Variants in JARID2 observed in about 807,000 individuals in gnomAD.
The protein encoded by JARID2 is protein Jumonji.
In JARID2, 21 loss-of-function variants were observed where a neutral mutation model predicts 125.6. The observed-to-expected ratio is 0.17, with a 90% CI of 0.12 to 0.24. JARID2 has a LOEUF of 0.24. Among genes scored for constraint, JARID2 ranks in the 10% least tolerant of loss-of-function variants. The pLI is 1.00. For synonymous variants in JARID2, 736 were observed against 661.6 expected, an observed-to-expected ratio of 1.11 and a Z score of -1.73; for missense variants, 1,303 against 1,639.6, an observed-to-expected ratio of 0.79 and a Z score of 3.55.
At chr6:15,372,409 A>T (rs995886629) in intron 1 of JARID2, among the ~76,000 whole-genome samples, 9 of 152,116 alleles carry the variant, frequency 5.9e-5, no homozygotes, top group Admixed American at 2.6e-4. Context: ...CCCAGGTGGG[A>T]GTGCAGTGGC....
intron 17 of JARID2, among the ~76,000 whole-genome samples, chr6:15,519,140 C>T (rs1474669259): frequency 2.0e-5 from 3 of 152,150 alleles, no homozygotes; most frequent in East Asian, 1.9e-4. Context: ...GGGGAGGGAA[C>T]GGTGTCCTCC....
At chr6:15,516,683 A>G (rs1399519644) in intron 16 of JARID2, among the ~76,000 whole-genome samples, 1 of 152,186 alleles carries the variant, frequency 6.6e-6, no homozygotes, top group East Asian at 1.9e-4. Flanking sequence ...TTGCTGCTGG[A>G]AAGTCAAGGG....
At chr6:15,358,617 T>C (rs1437670874) in intron 1 of JARID2, among the ~76,000 whole-genome samples, 1 of 152,242 alleles carries the variant, frequency 6.6e-6, no homozygotes. Context: ...GTGTCCACTG[T>C]AACCTTTTTG....
intron 1 of JARID2, 106 bp downstream of exon 1, chr6:15,246,690 C>G: frequency 1.0e-6 from 1 of 965,212 alleles, no homozygotes; most frequent in East Asian, 2.5e-5. Flanking sequence ...AACACAGCGT[C>G]CGATAAGGCT....
rs1299770104 is a variant in JARID2 at position 15,246,505 on chromosome 6, T to C, written c.-35T>C. 1 of 1,593,808 alleles carries C rather than the reference T, an allele frequency of 6.3e-7. No homozygotes were observed. Among genetic ancestry groups the C allele is most frequent in the South Asian group, 1.1e-5 (1 of 89,794 alleles). On this transcript the variant is annotated 5_prime_UTR_variant, in exon 1 of 18. Coordinates refer to ENST00000341776, the MANE Select transcript of JARID2 (RefSeq NM_004973.4). ...TGACGGCTTTAAATTCATGAAGCAATTGTCCCCTTTTGCAATCAGCATTTG... is the reference window on the plus strand; with the variant it reads ...TGACGGCTTTAAATTCATGAAGCAACTGTCCCCTTTTGCAATCAGCATTTG...
chr6:15,259,605 G>T (rs148492905), intron 1 of JARID2, among the ~76,000 whole-genome samples: 14 of 152,324 alleles, frequency 9.2e-5, no homozygotes, highest in African/African-American at 3.4e-4. Flanking sequence ...ATCTTTTGAA[G>T]ATCATAAAAT....
At chr6:15,508,707 G>A (rs1771125495) in intron 12 of JARID2, among the ~76,000 whole-genome samples, 2 of 152,146 alleles carry the variant, frequency 1.3e-5, no homozygotes. Context: ...ATGCTTAGTG[G>A]CCATTTAAGT....
rs545835314 is a variant in JARID2 at position 15,302,948 on chromosome 6, T to C, written c.45+56364T>C. 3.9e-5 allele frequency among the ~76,000 whole-genome samples: 6 copies of C among 152,162 alleles called. No individual in the cohort carries two copies. The South Asian group carries it at 1.2e-3, about 32-fold the overall frequency. On this transcript the variant is annotated intron_variant, in intron 1 of 17. Coordinates refer to ENST00000341776, the MANE Select transcript of JARID2 (RefSeq NM_004973.4). ...ACTGGGTTTCAGGTTGGTTTCGAAC[T>C]CCTGACCTCAGGTGATCCACCCACC...
chr6:15,509,157 C>G, intron 12 of JARID2: 1 of 1,285,580 alleles, frequency 7.8e-7, no homozygotes, highest in Non-Finnish European at 1.0e-6. Context: ...GCTGGGTCCC[C>G]GCCTGTAATC....
intron 2 of JARID2, among the ~76,000 whole-genome samples, chr6:15,409,404 C>T (rs529744797): frequency 2.0e-5 from 3 of 152,338 alleles, no homozygotes; most frequent in Admixed American, 2.0e-4. Context: ...GGTCTAGTTG[C>T]TGTGGACATG....
intron 1 of JARID2, among the ~76,000 whole-genome samples, chr6:15,280,612 C>T (rs1316275568): frequency 6.7e-6 from 1 of 149,300 alleles, no homozygotes; most frequent in East Asian, 2.0e-4. Flanking sequence ...AAGGTAAAGC[C>T]TTATCCCCAC....
At chr6:15,486,805 A>ATTTTTTTTTTTTTT (rs766075740) in intron 5 of JARID2, among the ~76,000 whole-genome samples, 1 of 40,640 alleles carries the variant, frequency 2.5e-5, no homozygotes, top group African/African-American at 1.9e-4. Flanking sequence ...CTGAGAATAG[A>ATTTTTTTTTTTTTT]CTTTTTTTTT....
chr6:15,351,501 C>T (rs970785377), intron 1 of JARID2, among the ~76,000 whole-genome samples: 3 of 152,132 alleles, frequency 2.0e-5, no homozygotes, highest in African/African-American at 7.2e-5. Context: ...TTCAAATGAG[C>T]AGATCTTTCT....
In JARID2 at chr6:15,258,828, T is replaced by C. The variant is rs570149876; in HGVS notation, c.45+12244T>C. Among the ~76,000 whole-genome samples, 3 of 152,278 alleles carry C rather than the reference T, an allele frequency of 2.0e-5. No individual in the cohort carries two copies. The East Asian group carries it at 5.8e-4, about 29-fold the overall frequency. On this transcript the variant is annotated intron_variant, in intron 1 of 17. Coordinates refer to ENST00000341776, the MANE Select transcript of JARID2 (RefSeq NM_004973.4). ...ACACCAACTGTGACTATTTAGACCA[T>C]GTTATTATAAGTCTTACAGATTCTT...
chr6:15,463,377 A>C lies in JARID2; in HGVS notation c.494-5165A>C, dbSNP rs145887128. On this transcript the variant is annotated intron_variant, in intron 4 of 17. Coordinates refer to ENST00000341776, the MANE Select transcript of JARID2 (RefSeq NM_004973.4). Reference sequence around the variant, plus strand: ...CAGAGCTTGTGTTTTTGCCATGCAGAGTCCACCCCTGAGAACGCAAGGTCA... The same window carrying C: ...CAGAGCTTGTGTTTTTGCCATGCAGCGTCCACCCCTGAGAACGCAAGGTCA... 8.8e-3 allele frequency among the ~76,000 whole-genome samples: 1,332 copies of C among 151,026 alleles called. 36 individuals are homozygous for C. The highest frequency in any genetic ancestry group is 0.08 in the South Asian group (382 of 4,776).
At chr6:15,512,558 A>G (rs549425730) in intron 14 of JARID2, among the ~76,000 whole-genome samples, 168 bp downstream of exon 14, 1 of 152,324 alleles carries the variant, frequency 6.6e-6, no homozygotes, top group South Asian at 2.1e-4. Flanking sequence ...TCTAGGAATG[A>G]AAAGTTGTTA....
At position 15,521,624 on chromosome 6, in the gene JARID2, CTGTT is replaced by C. The variant is rs759825426; in HGVS notation, c.*1375_*1378del. 6.6e-6 allele frequency: 1 copy of C among 152,170 alleles called. No homozygotes were observed. Among genetic ancestry groups the C allele is most frequent in the Non-Finnish European group, 1.5e-5 (1 of 68,026 alleles). 9.4% of individuals were successfully genotyped at this position (152,170 alleles called of 1,614,324 possible). A position where few individuals can be genotyped will look rare whatever the true frequency, so the allele number is the denominator to read the frequency against. On this transcript the variant is annotated 3_prime_UTR_variant, in exon 18 of 18. Transcript: ENST00000341776. ...GTATGTGTGGAATAAAAAAGGGAAA[CTGTT>C]TTCACAAGCTGTTCTTTGTTTCATA...
At chr6:15,436,542 C>A (rs1379787540) in intron 3 of JARID2, among the ~76,000 whole-genome samples, 1 of 152,102 alleles carries the variant, frequency 6.6e-6, no homozygotes, top group African/African-American at 2.4e-5. Flanking sequence ...TTGGAAAATG[C>A]AACATTTGGG....
chr6:15,436,866 T>C lies in JARID2; in HGVS notation c.324-15140T>C, dbSNP rs575654266. ...TCTGTGTTTTCCTATTCAGTTATAATGAGTTCAGTTCAGGGGAGAATGAGG... is the reference window on the plus strand; with the variant it reads ...TCTGTGTTTTCCTATTCAGTTATAACGAGTTCAGTTCAGGGGAGAATGAGG... On this transcript the variant is annotated intron_variant, in intron 3 of 17. Transcript: ENST00000341776. Among the ~76,000 whole-genome samples, 5 of 152,152 alleles carry C rather than the reference T, an allele frequency of 3.3e-5. No individual in the cohort carries two copies. In the South Asian group the frequency reaches 1.0e-3, roughly 32 times the overall value.
Sources: allele counts gnomAD v4.1 joint callset (sites outside exome capture counted in the v4.1 genomes callset), GRCh38; gene constraint gnomAD v4.1.1; transcripts MANE v1.5; gene names NCBI Gene and HGNC (gene_info 2026-07-23, HGNC 2026-07-21).